MACROD2: variants seen among roughly 807,000 people sequenced by gnomAD.
MACROD2 encodes the protein ADP-ribose glycohydrolase MACROD2.
Under a neutral mutation model 70.4 loss-of-function variants are expected in MACROD2, and 36 were observed. The ratio of observed to expected loss-of-function variants is 0.51; its 90% CI spans 0.39 to 0.68. The LOEUF is 0.68. Ranked by LOEUF, MACROD2 falls within the 30% of genes least tolerant of loss-of-function variation. MACROD2 has a pLI of 0.00. For synonymous variants in MACROD2, 172 were observed against 178.8 expected, an observed-to-expected ratio of 0.96 and a Z score of 0.30; for missense variants, 496 against 538.4, an observed-to-expected ratio of 0.92 and a Z score of 0.78.
At chr20:14,704,605 G>A (rs912731592) in intron 5 of MACROD2, among the ~76,000 whole-genome samples, 1 of 152,110 alleles carries the variant, frequency 6.6e-6, no homozygotes, top group Admixed American at 6.6e-5. Context: ...AATCCTGCCT[G>A]TTTTCCTCCC....
intron 5 of MACROD2, among the ~76,000 whole-genome samples, chr20:14,951,986 T>A (rs1183036270): frequency 6.6e-6 from 1 of 151,974 alleles, no homozygotes; most frequent in Non-Finnish European, 1.5e-5. Flanking sequence ...TAAGGTTTGC[T>A]TGGAAATGCA....
chr20:15,382,632 G>C (rs531524700), intron 6 of MACROD2, among the ~76,000 whole-genome samples: 2 of 152,068 alleles, frequency 1.3e-5, no homozygotes, highest in Non-Finnish European at 2.9e-5. Flanking sequence ...ATATTCTTTT[G>C]GTAGGAAAAG....
At chr20:15,882,613 G>T (rs770476101) in intron 9 of MACROD2, among the ~76,000 whole-genome samples, 1 of 152,038 alleles carries the variant, frequency 6.6e-6, no homozygotes, top group Non-Finnish European at 1.5e-5. Context: ...TTGAGAGACG[G>T]TAGTGAGGGG....
At chr20:14,470,169 C>T (rs868412834) in intron 3 of MACROD2, among the ~76,000 whole-genome samples, 10 of 152,060 alleles carry the variant, frequency 6.6e-5, no homozygotes, top group South Asian at 4.1e-4. Flanking sequence ...TGTTAGTTTT[C>T]CTTCTGTCAG....
chr20:15,387,506 C>T (rs552115247), intron 6 of MACROD2, among the ~76,000 whole-genome samples: 1 of 151,314 alleles, frequency 6.6e-6, no homozygotes, highest in Non-Finnish European at 1.5e-5. Flanking sequence ...CATTCCTTTT[C>T]CCCCCTTCCC....
At chr20:15,742,963 G>C (rs151138328) in intron 8 of MACROD2, among the ~76,000 whole-genome samples, 250 of 152,292 alleles carry the variant, frequency 1.6e-3, no homozygotes, top group Non-Finnish European at 2.8e-3. Flanking sequence ...TGCCTTGTCA[G>C]GTCAATTGTA....
chr20:15,811,806 C>T (rs16996600), intron 8 of MACROD2, among the ~76,000 whole-genome samples: 30,224 of 152,012 alleles, frequency 0.2, 3,599 homozygotes, highest in African/African-American at 0.33. Context: ...GGATATAGTA[C>T]GTCAGCTGGT....
rs76311549 is a variant in MACROD2, at chr20:15,028,616, G to A, written c.419-201324G>A. Among the ~76,000 whole-genome samples, 515 of 152,254 alleles carry A rather than the reference G, an allele frequency of 3.4e-3. 2 individuals carry two copies. Among genetic ancestry groups the A allele is most frequent in the Non-Finnish European group, 5.9e-3 (401 of 68,014 alleles). On this transcript the variant is annotated intron_variant, in intron 5 of 17. Transcript: ENST00000684519. ...GGCTACCTGCTGTGACAGGGATATGGAAGTTTGTTAGGTGGAGAATAAATG... is the reference window on the plus strand; with the variant it reads ...GGCTACCTGCTGTGACAGGGATATGAAAGTTTGTTAGGTGGAGAATAAATG...
chr20:14,735,749 C>A (rs1479810330), intron 5 of MACROD2, among the ~76,000 whole-genome samples: 1 of 152,004 alleles, frequency 6.6e-6, no homozygotes, highest in Non-Finnish European at 1.5e-5. Context: ...ACTTGGGAGG[C>A]TGAGGTGGAA....
At chr20:14,161,529 A>G (rs911732888) in intron 3 of MACROD2, among the ~76,000 whole-genome samples, 3 of 149,554 alleles carry the variant, frequency 2.0e-5, no homozygotes, top group Non-Finnish European at 3.0e-5. Context: ...CATGATGTGT[A>G]GGTACCACAT....
chr20:14,582,622 A>T (rs2123351673), intron 4 of MACROD2, among the ~76,000 whole-genome samples: 1 of 152,300 alleles, frequency 6.6e-6, no homozygotes. Context: ...GCAGTGTGAT[A>T]CACTTGGTGT....
intron 5 of MACROD2, among the ~76,000 whole-genome samples, chr20:15,117,022 A>G (rs191035580): frequency 3.3e-4 from 51 of 152,292 alleles, no homozygotes; most frequent in African/African-American, 1.2e-3. Flanking sequence ...TAATTTATTG[A>G]ATTGTAATTA....
At chr20:15,636,469 A>T (rs574625266) in intron 8 of MACROD2, among the ~76,000 whole-genome samples, 174 of 152,234 alleles carry the variant, frequency 1.1e-3, no homozygotes, top group African/African-American at 3.9e-3. Flanking sequence ...TATTTTTTGT[A>T]TGCATCATCT....
At chr20:14,299,707 T>G (rs2082458815) in intron 3 of MACROD2, among the ~76,000 whole-genome samples, 1 of 152,206 alleles carries the variant, frequency 6.6e-6, no homozygotes, top group South Asian at 2.1e-4. Flanking sequence ...CATAACTACT[T>G]AACCTGGGAA....
At chr20:14,827,882 A>G (rs2072919986) in intron 5 of MACROD2, among the ~76,000 whole-genome samples, 1 of 152,064 alleles carries the variant, frequency 6.6e-6, no homozygotes, top group Admixed American at 6.6e-5. Flanking sequence ...TTTTTTACAT[A>G]CTATCTAATA....
At chr20:15,095,861 T>TTGTGTGTG (rs11468899) in intron 5 of MACROD2, among the ~76,000 whole-genome samples, 5 of 148,474 alleles carry the variant, frequency 3.4e-5, no homozygotes, top group African/African-American at 7.4e-5. Flanking sequence ...ACCATGTTGT[T>TTGTGTGTG]TGTGTGTGTG....
chr20:15,708,270 T>C (rs2050567215), intron 8 of MACROD2, among the ~76,000 whole-genome samples: 1 of 151,962 alleles, frequency 6.6e-6, no homozygotes, highest in Non-Finnish European at 1.5e-5. Context: ...ATAATACCCA[T>C]AGTAAAAAGC....
At chr20:15,279,521 A>G (rs1194032675) in intron 6 of MACROD2, among the ~76,000 whole-genome samples, 1 of 152,236 alleles carries the variant, frequency 6.6e-6, no homozygotes, top group African/African-American at 2.4e-5. Context: ...CAAGAATACA[A>G]GACAGCAGTG....
chr20:15,683,080 G>T (rs191572178), intron 8 of MACROD2, among the ~76,000 whole-genome samples: 1 of 152,248 alleles, frequency 6.6e-6, no homozygotes, highest in East Asian at 1.9e-4. Flanking sequence ...TTAAGTAATG[G>T]CATAAAACTA....
Sources: allele counts gnomAD v4.1 joint callset (sites outside exome capture counted in the v4.1 genomes callset), GRCh38; gene constraint gnomAD v4.1.1; transcripts MANE v1.5; gene names NCBI Gene and HGNC (gene_info 2026-07-23, HGNC 2026-07-21).